The following EYS variants were observed in gnomAD, a reference collection of about 807,000 sequenced individuals.
EYS encodes the protein EGF-like photoreceptor maintenance factor, also known as protein eyes shut homolog.
In EYS, 250 loss-of-function variants were observed where a neutral mutation model predicts 282.1. That is an observed-to-expected ratio of 0.89 (90% CI 0.80 to 0.98). The LOEUF (loss-of-function observed/expected upper bound fraction) is 0.98. Among genes scored for constraint, EYS ranks in the 50% least tolerant of loss-of-function variants. The probability of loss-of-function intolerance (pLI) is 0.00; values close to 1 mark genes in which losing one functional copy is unlikely to be tolerated. For synonymous variants in EYS, 1,355 were observed against 1,282.9 expected, an observed-to-expected ratio of 1.06 and a Z score of -1.20; for missense variants, 4,016 against 3,709.0, an observed-to-expected ratio of 1.08 and a Z score of -2.15.
intron 24 of EYS, among the ~76,000 whole-genome samples, chr6:64,596,114 A>T (rs899234877): frequency 1.3e-5 from 2 of 152,102 alleles, no homozygotes; most frequent in African/African-American, 4.8e-5. Context: ...ACTTTAAAAT[A>T]ACCAGATCTC....
intron 26 of EYS, among the ~76,000 whole-genome samples, chr6:64,577,687 G>A (rs1041479940): frequency 6.6e-6 from 1 of 152,042 alleles, no homozygotes. Flanking sequence ...GAATCAACAC[G>A]ACTTATCAAC....
chr6:64,217,206 G>A (rs949419866), intron 31 of EYS, among the ~76,000 whole-genome samples: 3 of 152,120 alleles, frequency 2.0e-5, no homozygotes, highest in East Asian at 1.9e-4. Flanking sequence ...TCTGACACTA[G>A]GTATAAGTCA....
intron 12 of EYS, among the ~76,000 whole-genome samples, chr6:65,140,708 A>T (rs9453201): frequency 6.6e-6 from 1 of 151,952 alleles, no homozygotes; most frequent in Non-Finnish European, 1.5e-5. Context: ...TCTCAAAAGA[A>T]GACATTTATG....
intron 34 of EYS, among the ~76,000 whole-genome samples, chr6:63,994,539 G>A (rs1582096966): frequency 2.6e-5 from 4 of 151,756 alleles, no homozygotes; most frequent in Admixed American, 2.0e-4. Context: ...ATCTTGGATA[G>A]CAAACCTTCT....
chr6:63,828,668 T>G (rs996565839), intron 36 of EYS, among the ~76,000 whole-genome samples: 10 of 152,100 alleles, frequency 6.6e-5, no homozygotes, highest in African/African-American at 2.2e-4. Flanking sequence ...AGGACATGAA[T>G]AGGAAGATAT....
chr6:63,933,276 A>G (rs1435544262), intron 35 of EYS, among the ~76,000 whole-genome samples: 1 of 152,114 alleles, frequency 6.6e-6, no homozygotes, highest in Non-Finnish European at 1.5e-5. Context: ...TCTGTCTCCC[A>G]GGCTGGAGTG....
intron 7 of EYS, among the ~76,000 whole-genome samples, chr6:65,402,232 AT>A (rs199766156): frequency 5.9e-5 from 9 of 151,838 alleles, no homozygotes; most frequent in East Asian, 3.9e-4. Context: ...TAAACAAAGT[AT>A]TTTTTAATAA....
At chr6:64,528,691 A>G (rs914905882) in intron 26 of EYS, among the ~76,000 whole-genome samples, 7 of 151,946 alleles carry the variant, frequency 4.6e-5, no homozygotes, top group African/African-American at 1.7e-4. Context: ...CAGCCACCTT[A>G]ATCAGCCCTC....
At chr6:65,385,268 A>T (rs1212836662) in intron 7 of EYS, among the ~76,000 whole-genome samples, 3 of 151,958 alleles carry the variant, frequency 2.0e-5, no homozygotes, top group African/African-American at 7.2e-5. Flanking sequence ...AAGCTGATTT[A>T]TTAATGAAGT....
intron 24 of EYS, among the ~76,000 whole-genome samples, chr6:64,616,099 C>A (rs553694468): frequency 6.6e-6 from 1 of 152,118 alleles, no homozygotes; most frequent in Non-Finnish European, 1.5e-5. Context: ...TTTATGAAAA[C>A]ATATCATATG....
At chr6:64,643,732 A>G (rs776386112) in intron 22 of EYS, among the ~76,000 whole-genome samples, 34 of 152,172 alleles carry the variant, frequency 2.2e-4, no homozygotes, top group Non-Finnish European at 3.7e-4. Flanking sequence ...GTCTCATTAG[A>G]TATGATAGTT....
At chr6:65,224,368 G>T (rs1388409024) in intron 12 of EYS, among the ~76,000 whole-genome samples, 1 of 152,100 alleles carries the variant, frequency 6.6e-6, no homozygotes, top group Non-Finnish European at 1.5e-5. Flanking sequence ...TGAGACAAAT[G>T]AAAAAGATAT....
chr6:64,876,139 A>G (rs938838948), intron 19 of EYS, among the ~76,000 whole-genome samples: 2 of 152,082 alleles, frequency 1.3e-5, no homozygotes, highest in Admixed American at 1.3e-4. Flanking sequence ...GTAATATTAC[A>G]TCAAATTATA....
rs1478008189 is a variant in EYS, at chr6:64,564,294, T to TTTA, written c.5644+25928_5644+25929insTAA. Among the ~76,000 whole-genome samples, 6 of 138,588 alleles carry TTTA rather than the reference T, an allele frequency of 4.3e-5. 1 individual carries two copies. Among genetic ancestry groups the TTTA allele is most frequent in the Admixed American group, 2.9e-4 (4 of 13,768 alleles). The allele number at this position is 138,588 out of a possible 152,430, so 90.9% of individuals were successfully genotyped here. ...TTTTTTTTTTTTTTTTTTTTTTTTTTTGAGACGGAGTTTCCCTCTGTCGCC... is the reference window on the plus strand; with the variant it reads ...TTTTTTTTTTTTTTTTTTTTTTTTTTTTATGAGACGGAGTTTCCCTCTGTCGCC... On this transcript the variant is annotated intron_variant, in intron 26 of 42. Transcript: ENST00000503581.
chr6:64,121,967 TAAG>T (rs1773606073), intron 31 of EYS, among the ~76,000 whole-genome samples: 1 of 152,192 alleles, frequency 6.6e-6, no homozygotes, highest in Non-Finnish European at 1.5e-5. Context: ...TTTGAAATAT[TAAG>T]AACATTTCCA....
intron 36 of EYS, among the ~76,000 whole-genome samples, chr6:63,817,875 C>T (rs1771222815): frequency 6.6e-6 from 1 of 152,144 alleles, no homozygotes; most frequent in Non-Finnish European, 1.5e-5. Flanking sequence ...CATGGTGGGC[C>T]TGCGGTCAGG....
intron 22 of EYS, among the ~76,000 whole-genome samples, chr6:64,804,877 A>G (rs1475772142): frequency 6.7e-6 from 1 of 150,244 alleles, no homozygotes; most frequent in Non-Finnish European, 1.5e-5. Flanking sequence ...ATCCTATTAA[A>G]ATGTATCACA....
intron 12 of EYS, among the ~76,000 whole-genome samples, chr6:65,276,840 G>A (rs1028782000): frequency 2.2e-4 from 33 of 152,068 alleles, no homozygotes; most frequent in Non-Finnish European, 4.7e-4. Context: ...TACAGAAAAA[G>A]ATAACTGTAA....
chr6:64,881,200 C>T (rs368289176), intron 19 of EYS, among the ~76,000 whole-genome samples: 7 of 151,526 alleles, frequency 4.6e-5, no homozygotes, highest in Non-Finnish European at 1.0e-4. Flanking sequence ...GTTTTTGTAC[C>T]CTTATCATCA....
Sources: gnomAD v4.1 joint callset for allele counts (sites outside exome capture counted in the v4.1 genomes callset) on GRCh38, gnomAD v4.1.1 for gene constraint, MANE v1.5 for transcripts, NCBI Gene and HGNC (gene_info 2026-07-23, HGNC 2026-07-21) for gene names.